The following NRXN3 variants were observed in gnomAD, a reference collection of about 807,000 sequenced individuals.
NRXN3 encodes the protein neurexin 3.
NRXN3 carries 32 observed loss-of-function variants against 137.6 expected under a neutral mutation model. That is an observed-to-expected ratio of 0.23 (90% CI 0.18 to 0.31). NRXN3 has a LOEUF of 0.31. Ranked by LOEUF, NRXN3 falls within the 10% of genes least tolerant of loss-of-function variation. NRXN3 has a pLI of 1.00. For synonymous variants in NRXN3, 798 were observed against 784.5 expected (o/e 1.02, Z -0.29); for missense variants, 1,574 against 2,062.5 (o/e 0.76, Z 4.59).
chr14:79,765,743 C>A (rs532723593), intron 19 of NRXN3, among the ~76,000 whole-genome samples: 2 of 152,166 alleles, frequency 1.3e-5, no homozygotes, highest in African/African-American at 4.8e-5. Context: ...ATGAGAGCCC[C>A]GTGCAGGGTC....
intron 15 of NRXN3, among the ~76,000 whole-genome samples, chr14:79,009,422 G>T (rs1213740916): frequency 1.3e-5 from 2 of 152,172 alleles, no homozygotes; most frequent in African/African-American, 4.8e-5. Context: ...GGTACTGACG[G>T]TTGAGAGTCA....
chr14:78,598,178 G>C (rs1340223025), intron 4 of NRXN3, among the ~76,000 whole-genome samples: 1 of 152,178 alleles, frequency 6.6e-6, no homozygotes, highest in Non-Finnish European at 1.5e-5. Context: ...CTTCTTTCAG[G>C]TGATGGAACC....
chr14:79,686,541 C>A (rs1234312377), intron 17 of NRXN3, among the ~76,000 whole-genome samples: 1 of 152,056 alleles, frequency 6.6e-6, no homozygotes, highest in Non-Finnish European at 1.5e-5. Flanking sequence ...TAAGCCCTTG[C>A]CTGAGTTATT....
intron 16 of NRXN3, among the ~76,000 whole-genome samples, chr14:79,468,978 A>G (rs2096464672): frequency 6.6e-6 from 1 of 152,224 alleles, no homozygotes; most frequent in South Asian, 2.1e-4. Context: ...AGGCAGCCAT[A>G]CTTACTACAC....
intron 10 of NRXN3, among the ~76,000 whole-genome samples, chr14:78,854,286 CAT>C (rs2099050712): frequency 6.6e-6 from 1 of 152,166 alleles, no homozygotes; most frequent in Non-Finnish European, 1.5e-5. Flanking sequence ...AACAGTTAGT[CAT>C]AATTTTTTGG....
intron 16 of NRXN3, among the ~76,000 whole-genome samples, chr14:79,497,560 A>G (rs2096779539): frequency 3.3e-5 from 5 of 152,048 alleles, no homozygotes. Flanking sequence ...ACCATTAGCA[A>G]TACTATTAAT....
chr14:78,281,826 G>A (rs141198774), intron 3 of NRXN3, among the ~76,000 whole-genome samples: 23 of 152,238 alleles, frequency 1.5e-4, no homozygotes, highest in African/African-American at 5.1e-4. Flanking sequence ...CCAGGATCCC[G>A]GATCTGTCTG....
rs917902980 is a variant in NRXN3, at chr14:79,794,493, A to G, written c.4015-10619A>G. On this transcript the variant is annotated intron_variant, in intron 19 of 20. Coordinates refer to ENST00000335750, the MANE Select transcript of NRXN3 (RefSeq NM_001330195.2). Reference sequence around the variant, plus strand: ...GTTGGTTGATACAGAGACTTAAGAAAGGATGTGATAGGTTCTCCTGAATGC... The same window carrying G: ...GTTGGTTGATACAGAGACTTAAGAAGGGATGTGATAGGTTCTCCTGAATGC... 2.0e-5 allele frequency among the ~76,000 whole-genome samples: 3 copies of G among 152,178 alleles called. No individual in the cohort carries two copies. The South Asian group carries it at 6.2e-4, about 31-fold the overall frequency.
At chr14:78,953,202 T>C (rs185446228) in intron 10 of NRXN3, among the ~76,000 whole-genome samples, 100 of 152,034 alleles carry the variant, frequency 6.6e-4, no homozygotes, top group South Asian at 1.2e-3. Flanking sequence ...TAACATACAC[T>C]CTGATTTTCT....
intron 1 of NRXN3, among the ~76,000 whole-genome samples, chr14:78,239,145 T>A (rs908528111): frequency 2.6e-5 from 4 of 152,232 alleles, no homozygotes; most frequent in Non-Finnish European, 4.4e-5. Flanking sequence ...GTTCATTCTA[T>A]CTACAAGTGC....
intron 15 of NRXN3, among the ~76,000 whole-genome samples, chr14:79,343,079 C>A (rs951635893): frequency 5.3e-5 from 8 of 152,008 alleles, no homozygotes; most frequent in African/African-American, 1.9e-4. Context: ...GACCAGATTA[C>A]CAGTTTGGGT....
At chr14:78,735,027 T>C (rs752825898) in intron 8 of NRXN3, among the ~76,000 whole-genome samples, 8 of 152,156 alleles carry the variant, frequency 5.3e-5, no homozygotes, top group Non-Finnish European at 8.8e-5. Flanking sequence ...TGGAGAAGCA[T>C]AAGAATAGAT....
rs1047421689 is a variant in NRXN3, at chr14:79,862,188, C to T, written c.*224C>T. ...ACGGCTGCGGCAAGGTCCCAGCGGT[C>T]GCTGGGAGACAGAAGGTTTTGTGCC... On this transcript the variant is annotated 3_prime_UTR_variant, in exon 21 of 21. Transcript: ENST00000335750. The T allele has an allele frequency of 5.9e-6, 3 of 505,268 alleles. No homozygotes were observed. The highest frequency in any genetic ancestry group is 3.4e-5 in the East Asian group (1 of 29,280). 31.3% of individuals were successfully genotyped at this position (505,268 alleles called of 1,614,324 possible).
intron 4 of NRXN3, among the ~76,000 whole-genome samples, chr14:78,392,645 T>C (rs2090924822): frequency 6.6e-6 from 1 of 152,150 alleles, no homozygotes; most frequent in Non-Finnish European, 1.5e-5. Context: ...TTTAGTGAGA[T>C]GATATAAATC....
intron 16 of NRXN3, among the ~76,000 whole-genome samples, chr14:79,536,116 C>T (rs1455120536): frequency 1.3e-5 from 2 of 151,938 alleles, no homozygotes; most frequent in Non-Finnish European, 2.9e-5. Flanking sequence ...GAGGTGGTTG[C>T]CTGAAGAGTT....
At chr14:78,933,259 A>G (rs906549805) in intron 10 of NRXN3, among the ~76,000 whole-genome samples, 3 of 152,236 alleles carry the variant, frequency 2.0e-5, no homozygotes, top group Non-Finnish European at 4.4e-5. Flanking sequence ...GAATGGAAGA[A>G]TGCATGAAAA....
chr14:78,308,717 C>G (rs370442220), intron 4 of NRXN3, among the ~76,000 whole-genome samples: 17 of 152,082 alleles, frequency 1.1e-4, no homozygotes, highest in South Asian at 8.3e-4. Context: ...AAATAAATCT[C>G]AAACCTCAAA....
At chr14:79,420,173 A>G (rs760841849) in intron 15 of NRXN3, among the ~76,000 whole-genome samples, 10 of 152,164 alleles carry the variant, frequency 6.6e-5, no homozygotes, top group Non-Finnish European at 1.5e-5. Flanking sequence ...AGGACTCTGC[A>G]TTCTTATTTG....
At chr14:78,857,850 A>G (rs1371485167) in intron 10 of NRXN3, among the ~76,000 whole-genome samples, 1 of 152,178 alleles carries the variant, frequency 6.6e-6, no homozygotes, top group Non-Finnish European at 1.5e-5. Context: ...TAGTAAGTAA[A>G]AAATGTGGAA....
Sources: gnomAD v4.1 joint callset for allele counts (sites outside exome capture counted in the v4.1 genomes callset) on GRCh38, gnomAD v4.1.1 for gene constraint, MANE v1.5 for transcripts, NCBI Gene and HGNC (gene_info 2026-07-23, HGNC 2026-07-21) for gene names.